The following DAZAP1 variants were observed in gnomAD, a reference collection of about 807,000 sequenced individuals.
DAZAP1 encodes the protein DAZ associated protein 1.
Under a neutral mutation model 60.1 loss-of-function variants are expected in DAZAP1, and 6 were observed. The observed-to-expected ratio is 0.10, with a 90% CI of 0.05 to 0.20. DAZAP1 has a LOEUF of 0.20. DAZAP1 is among the 10% of genes least tolerant of loss of function. DAZAP1 has a pLI of 1.00. For missense variants in DAZAP1, 366 were observed against 560.4 expected, an observed-to-expected ratio of 0.65 and a Z score of 3.50; for synonymous variants, 235 against 215.9, an observed-to-expected ratio of 1.09 and a Z score of -0.78.
intron 1 of DAZAP1, 136 bp downstream of exon 1, chr19:1,407,938 C>T (rs2082711380): frequency 1.4e-5 from 11 of 800,900 alleles, no homozygotes; most frequent in Non-Finnish European, 1.5e-5. Context: ...GGGACCCGGA[C>T]TCGCCGCGGC....
chr19:1,408,245 G>A (rs2082722119), intron 1 of DAZAP1, among the ~76,000 whole-genome samples: 1 of 152,138 alleles, frequency 6.6e-6, no homozygotes, highest in Admixed American at 6.5e-5. Context: ...CCCCGAACGG[G>A]AACTTGGGGG....
chr19:1,413,202 C>T (rs755396474), intron 1 of DAZAP1, among the ~76,000 whole-genome samples: 17 of 152,354 alleles, frequency 1.1e-4, no homozygotes, highest in Middle Eastern at 3.4e-3. Flanking sequence ...CCGCCAGCCC[C>T]GTAGCAAGCC....
chr19:1,417,612 C>T (rs2144767646), intron 2 of DAZAP1, 72 bp downstream of exon 2: 3 of 1,374,792 alleles, frequency 2.2e-6, no homozygotes, highest in East Asian at 2.4e-5. Context: ...GTTGTGTCTG[C>T]CCGCCTCTTG....
chr19:1,434,919 G>GCGCCGCGA lies in DAZAP1; in HGVS notation c.*10_*17dup, dbSNP rs1372268498. On this transcript the variant is annotated 3_prime_UTR_variant, in exon 12 of 12. Transcript: ENST00000233078. The surrounding 1 kb of genome is among the most constrained non-coding windows in gnomAD (Gnocchi z 8.0). Reference sequence around the variant, plus strand: ...CCACCCCTACCGACGCTAGCCCGCGGCGCCGCGACGTCTGCACGGCCCAGA... The same window carrying GCGCCGCGA: ...CCACCCCTACCGACGCTAGCCCGCGGCGCCGCGACGCCGCGACGTCTGCACGGCCCAGA... 6.3e-6 allele frequency: 9 copies of GCGCCGCGA among 1,431,634 alleles called. No homozygotes were observed. Among genetic ancestry groups the GCGCCGCGA allele is most frequent in the African/African-American group, 1.5e-5 (1 of 66,770 alleles). 88.7% of individuals were successfully genotyped at this position (1,431,634 alleles called of 1,614,324 possible). A position where few individuals can be genotyped will look rare whatever the true frequency, so the allele number is the denominator to read the frequency against.
At chr19:1,408,044 G>A (rs2144666931) in intron 1 of DAZAP1, among the ~76,000 whole-genome samples, 1 of 150,936 alleles carries the variant, frequency 6.6e-6, no homozygotes, top group Non-Finnish European at 1.5e-5. Flanking sequence ...GGATCCTGAA[G>A]GAGAGCCTGA....
At chr19:1,431,260 C>T (rs763000089) in intron 10 of DAZAP1, among the ~76,000 whole-genome samples, 8 of 151,582 alleles carry the variant, frequency 5.3e-5, no homozygotes, top group African/African-American at 1.7e-4. Context: ...TCCTGAGTAG[C>T]TGGGACTACA....
rs1434483447 is a variant in DAZAP1 at position 1,416,879 on chromosome 19, GAGAC to G, written c.30-618_30-615del. ...TCAGGCCCTTCTCATCTGCCAATAA[GAGAC>G]AGCCCCAGAATGGGGGTGGCGCGGG... On this transcript the variant is annotated intron_variant, in intron 1 of 11. Coordinates refer to ENST00000233078, the MANE Select transcript of DAZAP1 (RefSeq NM_018959.4). The surrounding 1 kb of genome is among the most constrained non-coding windows in gnomAD (Gnocchi z 4.3). The G allele has an allele frequency of 6.5e-6, 1 of 153,638 alleles. No homozygotes were observed. The highest frequency in any genetic ancestry group is 6.5e-5 in the Admixed American group (1 of 15,294). The allele number at this position is 153,638 out of a possible 1,614,324, so 9.5% of individuals were successfully genotyped here.
At chr19:1,417,333 G>A in intron 1 of DAZAP1, 167 bp from the exon 2 acceptor site, 1 of 744,466 alleles carries the variant, frequency 1.3e-6, no homozygotes, top group East Asian at 2.7e-5. Context: ...GACAGCATGG[G>A]CGAGGCTGAC....
rs1038890799 is a variant in DAZAP1 at position 1,417,238 on chromosome 19, G to T, written c.30-262G>T. On this transcript the variant is annotated intron_variant, in intron 1 of 11. Coordinates refer to ENST00000233078, the MANE Select transcript of DAZAP1 (RefSeq NM_018959.4). ...CACTGGCCTGTCCCAGGAACTCATC[G>T]CCCGCCACGCATGAGGTCAGCGTGC... 9.6e-6 allele frequency: 5 copies of T among 520,274 alleles called. No individual in the cohort carries two copies. In the East Asian group the frequency reaches 1.7e-4, roughly 18 times the overall value. 32.2% of individuals were successfully genotyped at this position (520,274 alleles called of 1,614,324 possible).
Position 1,425,835 on chromosome 19 carries a change from C to CA in DAZAP1, c.464-42dup, listed in dbSNP as rs2083294292. 1 of 1,352,118 alleles carries CA rather than the reference C, an allele frequency of 7.4e-7. No individual in the cohort carries two copies. The highest frequency in any genetic ancestry group is 2.3e-5 in the East Asian group (1 of 43,684). The allele number at this position is 1,352,118 out of a possible 1,614,324, so 83.8% of individuals were successfully genotyped here. A position where few individuals can be genotyped will look rare whatever the true frequency, so the allele number is the denominator to read the frequency against. On this transcript the variant is annotated intron_variant, in intron 6 of 11. Coordinates refer to ENST00000233078, the MANE Select transcript of DAZAP1 (RefSeq NM_018959.4). This position sits in a 1 kb window ranked among gnomAD's most constrained non-coding sequence, Gnocchi z 5.4. ...TACTGTTCATCATCCTGTTTTGTGT[C>CA]ACAACACCCTGCTACCTTGATTCAC...
Position 1,428,576 on chromosome 19 carries a change from G to C in DAZAP1, c.547-266G>C. 4.8e-6 allele frequency: 2 copies of C among 413,310 alleles called. No individual in the cohort carries two copies. Among genetic ancestry groups the C allele is most frequent in the Non-Finnish European group, 8.6e-6 (2 of 232,076 alleles). 25.6% of individuals were successfully genotyped at this position (413,310 alleles called of 1,614,324 possible). On this transcript the variant is annotated intron_variant, in intron 7 of 11. Coordinates refer to ENST00000233078, the MANE Select transcript of DAZAP1 (RefSeq NM_018959.4). This position sits in a 1 kb window ranked among gnomAD's most constrained non-coding sequence, Gnocchi z 4.0. ...GAAACCCCCGAGGGCTCTGGGCTCG[G>C]TCCTGCTGCCCCGCAGTGGGCGGGC...
intron 1 of DAZAP1, among the ~76,000 whole-genome samples, chr19:1,411,889 C>G (rs1387610899): frequency 6.6e-6 from 1 of 152,252 alleles, no homozygotes; most frequent in African/African-American, 2.4e-5. Context: ...CTTCTGTGAA[C>G]TGAGGCCTTT....
chr19:1,431,137 G>T (rs1001555264), intron 10 of DAZAP1, among the ~76,000 whole-genome samples: 2 of 144,120 alleles, frequency 1.4e-5, no homozygotes, highest in African/African-American at 2.6e-5. Context: ...TTTATTTATG[G>T]TTTTTTTTTG....
Position 1,432,439 on chromosome 19 carries a change from T to A in DAZAP1, c.872-75T>A. ...CCCGTCTGGGCAGCTCCTGCTGGGC[T>A]GGGTGTGGGTCTCCTGCTGGTCTGC... On this transcript the variant is annotated intron_variant, in intron 10 of 11. Transcript: ENST00000233078. The surrounding 1 kb of genome is among the most constrained non-coding windows in gnomAD (Gnocchi z 4.9). The A allele has an allele frequency of 6.6e-7, 1 of 1,515,184 alleles. No homozygotes were observed. Among genetic ancestry groups the A allele is most frequent in the Non-Finnish European group, 9.1e-7 (1 of 1,095,468 alleles). 93.9% of individuals were successfully genotyped at this position (1,515,184 alleles called of 1,614,324 possible).
Position 1,434,445 on chromosome 19 carries a change from C to A in DAZAP1, c.1049-292C>A, listed in dbSNP as rs932552769. On this transcript the variant is annotated intron_variant, in intron 11 of 11. Transcript: ENST00000233078. This position sits in a 1 kb window ranked among gnomAD's most constrained non-coding sequence, Gnocchi z 8.0. ...AGGCTTCTCTACCTCCCCTCACCCCCCCAACCACGTCTTCGGGATTGAACA... is the reference window on the plus strand; with the variant it reads ...AGGCTTCTCTACCTCCCCTCACCCCACCAACCACGTCTTCGGGATTGAACA... The A allele has an allele frequency of 2.2e-5, 8 of 368,660 alleles. No homozygotes were observed. Among genetic ancestry groups the A allele is most frequent in the African/African-American group, 8.6e-5 (4 of 46,428 alleles). 22.8% of individuals were successfully genotyped at this position (368,660 alleles called of 1,614,324 possible).
intron 1 of DAZAP1, among the ~76,000 whole-genome samples, chr19:1,408,953 C>T (rs1311308468): frequency 2.6e-5 from 4 of 152,246 alleles, no homozygotes; most frequent in Non-Finnish European, 5.9e-5. Context: ...GTTCTCAGCG[C>T]TGGGCTTGGC....
Position 1,418,285 on chromosome 19 carries a change from G to C in DAZAP1, c.152G>C (p.Arg51Pro). 6.2e-7 allele frequency: 1 copy of C among 1,614,168 alleles called. No homozygotes were observed. Reference sequence around the variant, plus strand: ...AAAGATAAAACCACCAACCAGTCTCGAGGCTTTGGGTTTGTCAAATTTAAA... The same window carrying C: ...AAAGATAAAACCACCAACCAGTCTCCAGGCTTTGGGTTTGTCAAATTTAAA... ...IMKDKTTNQS[R>P]GFGFVKFKDP... The change falls in exon 3 of 12, where the codon CGA becomes CCA. Residue 51 changes from arginine to proline, a missense_variant. Arg to Pro is a moderately radical substitution (Grantham distance 103, BLOSUM62 -2). Around this residue, in one of 3 missense-constraint regions of DAZAP1, gnomAD observed 98 missense variants for 155.3 expected, o/e 0.63. Coordinates refer to ENST00000233078, the MANE Select transcript of DAZAP1 (RefSeq NM_018959.4). The surrounding 1 kb of genome is among the most constrained non-coding windows in gnomAD (Gnocchi z 5.7).
Position 1,432,091 on chromosome 19 carries a change from G to C in DAZAP1, c.872-423G>C. The C allele has an allele frequency of 5.3e-6, 1 of 187,564 alleles. No homozygotes were observed. Among genetic ancestry groups the C allele is most frequent in the Non-Finnish European group, 1.1e-5 (1 of 89,142 alleles). 11.6% of individuals were successfully genotyped at this position (187,564 alleles called of 1,614,324 possible). On this transcript the variant is annotated intron_variant, in intron 10 of 11. Transcript: ENST00000233078. This position sits in a 1 kb window ranked among gnomAD's most constrained non-coding sequence, Gnocchi z 4.9. ...GAGGGCAAGGGCGGCAGCACCTCCA[G>C]CATGACAGTCCCTTCCAAGCACGTC...
At chr19:1,413,501 A>G (rs1479767884) in intron 1 of DAZAP1, among the ~76,000 whole-genome samples, 1 of 152,208 alleles carries the variant, frequency 6.6e-6, no homozygotes, top group Non-Finnish European at 1.5e-5. Flanking sequence ...TGAAGAGATG[A>G]CCCTGCTTTC....
Sources: allele counts gnomAD v4.1 joint callset (sites outside exome capture counted in the v4.1 genomes callset), GRCh38; gene constraint gnomAD v4.1.1; regional missense constraint gnomAD v4.1.1; non-coding constraint Gnocchi (gnomAD v3.1); transcripts MANE v1.5; gene names NCBI Gene and HGNC (gene_info 2026-07-23, HGNC 2026-07-21).